The following NCKAP5 variants were observed in gnomAD, a reference collection of about 807,000 sequenced individuals.
NCKAP5 encodes the protein NCK associated protein 5, also known as nck-associated protein 5.
NCKAP5 carries 92 observed loss-of-function variants against 167.0 expected under a neutral mutation model. The ratio of observed to expected loss-of-function variants is 0.55; its 90% CI spans 0.47 to 0.66. The LOEUF (loss-of-function observed/expected upper bound fraction) is 0.66, where lower values mean the gene tolerates loss of function less well. Among genes scored for constraint, NCKAP5 ranks in the 30% least tolerant of loss-of-function variants. The pLI is 0.00. For missense variants in NCKAP5, 2,378 were observed against 2,315.0 expected, an observed-to-expected ratio of 1.03 and a Z score of -0.56; for synonymous variants, 891 against 877.4, an observed-to-expected ratio of 1.02 and a Z score of -0.27.
chr2:133,036,897 T>G (rs928672177), intron 6 of NCKAP5, among the ~76,000 whole-genome samples: 1 of 152,054 alleles, frequency 6.6e-6, no homozygotes, highest in African/African-American at 2.4e-5. Flanking sequence ...TGGCAGATGA[T>G]ATGATCTTAT....
chr2:133,427,177 G>T (rs1402946371), intron 3 of NCKAP5, among the ~76,000 whole-genome samples: 5 of 152,302 alleles, frequency 3.3e-5, no homozygotes, highest in African/African-American at 9.6e-5. Flanking sequence ...GTAACTCTCT[G>T]TCATTCTGAT....
intron 6 of NCKAP5, among the ~76,000 whole-genome samples, chr2:133,039,752 GA>G (rs1192136129): frequency 8.5e-5 from 13 of 152,172 alleles, no homozygotes; most frequent in African/African-American, 3.1e-4. Context: ...CAGAACTTCT[GA>G]TTCTGACTCA....
chr2:132,848,335 A>G (rs1040825386), intron 11 of NCKAP5, among the ~76,000 whole-genome samples: 3 of 152,194 alleles, frequency 2.0e-5, no homozygotes, highest in African/African-American at 7.2e-5. Context: ...TACCTCTTTC[A>G]TTTCAGCTTT....
At chr2:132,856,610 C>T (rs981565910) in intron 11 of NCKAP5, among the ~76,000 whole-genome samples, 30 of 152,146 alleles carry the variant, frequency 2.0e-4, no homozygotes, top group Admixed American at 3.9e-4. Flanking sequence ...TCTAAGAATA[C>T]GAGAATAATG....
chr2:133,104,002 C>T (rs1012611761), intron 6 of NCKAP5, among the ~76,000 whole-genome samples: 27 of 151,908 alleles, frequency 1.8e-4, no homozygotes, highest in Non-Finnish European at 3.8e-4. Context: ...TCATGTCCTA[C>T]ACTCTTATCT....
intron 3 of NCKAP5, among the ~76,000 whole-genome samples, chr2:133,368,282 A>G (rs1685578814): frequency 6.6e-6 from 1 of 152,224 alleles, no homozygotes; most frequent in Non-Finnish European, 1.5e-5. Context: ...TTTCTATTAG[A>G]TAGATCCCTT....
intron 2 of NCKAP5, among the ~76,000 whole-genome samples, chr2:133,527,382 T>C (rs16826261): frequency 0.019 from 2,855 of 152,194 alleles, 97 homozygotes; most frequent in African/African-American, 0.066. Flanking sequence ...GCCAGTACAT[T>C]TTTGCTAAGG....
chr2:133,405,097 T>C (rs1214046552), intron 3 of NCKAP5, among the ~76,000 whole-genome samples: 1 of 152,228 alleles, frequency 6.6e-6, no homozygotes, highest in Admixed American at 6.5e-5. Context: ...ATAATGTCAT[T>C]GCCAACATTG....
At chr2:132,910,885 C>T (rs1382214030) in intron 8 of NCKAP5, among the ~76,000 whole-genome samples, 1 of 152,158 alleles carries the variant, frequency 6.6e-6, no homozygotes, top group African/African-American at 2.4e-5. Context: ...TCTCTTTTGC[C>T]TGGTAACTCA....
the NCKAP5 span, among the ~76,000 whole-genome samples, chr2:133,608,783 T>C: frequency 3.3e-5 from 5 of 152,194 alleles, no homozygotes; most frequent in African/African-American, 7.2e-5. Context: ...CCAAGTTCAA[T>C]TGTGTAACTT....
chr2:133,149,590 A>AT (rs2083313934), intron 5 of NCKAP5, among the ~76,000 whole-genome samples: 1 of 152,012 alleles, frequency 6.6e-6, no homozygotes, highest in African/African-American at 2.4e-5. Flanking sequence ...GATGCCCCAA[A>AT]TTTTTCTTCT....
At chr2:133,374,736 T>C (rs761388552) in intron 3 of NCKAP5, among the ~76,000 whole-genome samples, 36 of 152,230 alleles carry the variant, frequency 2.4e-4, no homozygotes, top group Non-Finnish European at 4.4e-4. Flanking sequence ...CTCTCAAAAA[T>C]GTCTACTAAA....
rs1259773500 is a variant in NCKAP5 at position 132,834,271 on chromosome 2, A to G, written c.807+26221T>C. ...AAGTGCAGTGGTGTAATCATAGCTC[A>G]CTGTAGCCTTGAACTCTTAGGCTCA... is the stretch of plus-strand genomic sequence containing the variant. On this transcript the variant is annotated intron_variant, in intron 11 of 19. Coordinates refer to ENST00000409261, the MANE Select transcript of NCKAP5 (RefSeq NM_207363.3). Among the ~76,000 whole-genome samples, 4 of 152,250 alleles carry G rather than the reference A, an allele frequency of 2.6e-5. No homozygotes were observed. In the East Asian group the frequency reaches 7.7e-4, roughly 29 times the overall value.
intron 6 of NCKAP5, among the ~76,000 whole-genome samples, chr2:133,103,720 C>T (rs923260552): frequency 5.3e-5 from 8 of 152,114 alleles, no homozygotes; most frequent in Admixed American, 1.3e-4. Context: ...TTCGAGGCTG[C>T]GGTGAACTAT....
chr2:132,767,111 T>G (rs1424648694), intron 16 of NCKAP5, among the ~76,000 whole-genome samples: 2 of 152,208 alleles, frequency 1.3e-5, no homozygotes, highest in Non-Finnish European at 2.9e-5. Flanking sequence ...CAACTCTTTT[T>G]TCCCCGGCAA....
At chr2:132,812,145 C>T (rs183537430) in intron 11 of NCKAP5, among the ~76,000 whole-genome samples, 11 of 152,250 alleles carry the variant, frequency 7.2e-5, no homozygotes, top group Admixed American at 5.2e-4. Flanking sequence ...CCTGCAGGAG[C>T]GGTCGCTTCC....
chr2:133,379,366 C>T (rs182597450), intron 3 of NCKAP5, among the ~76,000 whole-genome samples: 43 of 152,230 alleles, frequency 2.8e-4, no homozygotes, highest in Admixed American at 2.0e-3. Flanking sequence ...CTGGACTACC[C>T]CACCCTGCAT....
At chr2:133,188,890 C>T (rs546369835) in intron 5 of NCKAP5, among the ~76,000 whole-genome samples, 79 of 152,142 alleles carry the variant, frequency 5.2e-4, no homozygotes, top group Admixed American at 9.8e-4. Flanking sequence ...GAAGCAAGAG[C>T]AAACACATTC....
intron 18 of NCKAP5, among the ~76,000 whole-genome samples, chr2:132,726,731 C>T (rs1182312873): frequency 6.6e-6 from 1 of 152,224 alleles, no homozygotes; most frequent in Non-Finnish European, 1.5e-5. Flanking sequence ...ATTTCCTTTA[C>T]TCTTTCATTC....
Sources: gnomAD v4.1 joint callset for allele counts (sites outside exome capture counted in the v4.1 genomes callset) on GRCh38, gnomAD v4.1.1 for gene constraint, MANE v1.5 for transcripts, NCBI Gene and HGNC (gene_info 2026-07-23, HGNC 2026-07-21) for gene names.